Variants in ISOC1 observed in about 807,000 individuals in gnomAD.
ISOC1 encodes the protein isochorismatase domain containing 1.
Under a neutral mutation model 30.0 loss-of-function variants are expected in ISOC1, and 33 were observed. The observed-to-expected ratio is 1.10, with a 90% CI of 0.83 to 1.47. The LOEUF (loss-of-function observed/expected upper bound fraction) is 1.47, where lower values mean the gene tolerates loss of function less well. ISOC1 is among the 40% of genes most tolerant of loss of function. The pLI, the probability that ISOC1 is intolerant of heterozygous loss-of-function variation, is 0.00. For synonymous variants in ISOC1, 178 were observed against 159.8 expected (o/e 1.11, Z -0.86); for missense variants, 372 against 388.0 (o/e 0.96, Z 0.35).
intron 1 of ISOC1, 43 bp downstream of exon 1, chr5:129,095,118 G>A (rs563604885): frequency 2.0e-6 from 3 of 1,466,638 alleles, no homozygotes; most frequent in African/African-American, 1.4e-5. Context: ...TTCCCGAGTC[G>A]TCCCCGTCCC....
At position 129,105,216 on chromosome 5, in the gene ISOC1, T is replaced by C; in HGVS notation, c.461T>C (p.Val154Ala). The C allele has an allele frequency of 6.2e-7, 1 of 1,613,812 alleles. No individual in the cohort carries two copies. The highest frequency in any genetic ancestry group is 8.5e-7 in the Non-Finnish European group (1 of 1,179,810). ...GGGGCCCGGATTTTAGGAATTCCTGTTATTGTAACAGAACAATACCCTAAA... is the reference window on the plus strand; with the variant it reads ...GGGGCCCGGATTTTAGGAATTCCTGCTATTGTAACAGAACAATACCCTAAA... ...LQGARILGIP[V>A]IVTEQYPKGL... The change falls in exon 3 of 5, where the codon GTT becomes GCT. Residue 154 changes from valine (V) to alanine (A), a missense_variant. Physicochemically the swap from Val to Ala is moderately conservative, Grantham distance 64 (BLOSUM62 0). Transcript: ENST00000173527.
At chr5:129,112,792 T>C in intron 4 of ISOC1, 63 bp from the exon 5 acceptor site, 1 of 1,549,926 alleles carries the variant, frequency 6.5e-7, no homozygotes, top group Non-Finnish European at 8.8e-7. Flanking sequence ...ATAGTGTTAC[T>C]CTTCTGAAAT....
At chr5:129,102,522 G>C (rs978959222) in intron 1 of ISOC1, among the ~76,000 whole-genome samples, 3 of 152,156 alleles carry the variant, frequency 2.0e-5, no homozygotes, top group Non-Finnish European at 4.4e-5. Flanking sequence ...TGGATATTAG[G>C]ATTCCTGGGT....
intron 4 of ISOC1, among the ~76,000 whole-genome samples, chr5:129,110,463 A>C (rs2150172382): frequency 6.6e-6 from 1 of 152,272 alleles, no homozygotes; most frequent in South Asian, 2.1e-4. Flanking sequence ...GGGAATGGCT[A>C]AGAGCCAGAT....
At chr5:129,100,818 T>G (rs1017625541) in intron 1 of ISOC1, among the ~76,000 whole-genome samples, 1 of 151,874 alleles carries the variant, frequency 6.6e-6, no homozygotes, top group African/African-American at 2.4e-5. Flanking sequence ...ATGATTAAAG[T>G]TTTTCAGTAT....
chr5:129,112,782 A>G, intron 4 of ISOC1, 73 bp from the exon 5 acceptor site: 4 of 1,498,124 alleles, frequency 2.7e-6, no homozygotes, highest in East Asian at 2.3e-5. Context: ...GCATCCCAGC[A>G]TAGTGTTACT....
At chr5:129,111,318 G>C (rs1753706561) in intron 4 of ISOC1, among the ~76,000 whole-genome samples, 1 of 151,690 alleles carries the variant, frequency 6.6e-6, no homozygotes, top group Non-Finnish European at 1.5e-5. Context: ...GCAAAGTTCT[G>C]GTTAGCTGCT....
intron 1 of ISOC1, among the ~76,000 whole-genome samples, chr5:129,104,581 C>G (rs966397067): frequency 5.9e-5 from 9 of 152,072 alleles, no homozygotes; most frequent in Non-Finnish European, 8.8e-5. Flanking sequence ...TATTGAAATA[C>G]TATTGAACTG....
intron 1 of ISOC1, 135 bp downstream of exon 1, chr5:129,095,210 G>A: frequency 1.2e-6 from 1 of 832,518 alleles, no homozygotes; most frequent in Non-Finnish European, 1.8e-6. Flanking sequence ...GGCTGAGTCC[G>A]AAGGGCTGCG....
intron 1 of ISOC1, among the ~76,000 whole-genome samples, chr5:129,101,192 A>AAAAAAAAAAAAAAAT (rs1554064627): frequency 2.4e-5 from 1 of 42,236 alleles, no homozygotes; most frequent in Non-Finnish European, 3.6e-5. Context: ...AAAAAAAAAA[A>AAAAAAAAAAAAAAAT]ATATATATAT....
rs1753732265 is a variant in ISOC1 at position 129,113,091 on chromosome 5, G to T, written c.*90G>T. ...ACACAAGCTCTTCTTATCTCTACTA[G>T]AATTAAAATGTTAAGTCAAAAACGG... On this transcript the variant is annotated 3_prime_UTR_variant, in exon 5 of 5. Transcript: ENST00000173527. 2.1e-5 allele frequency: 25 copies of T among 1,216,656 alleles called. No individual in the cohort carries two copies. The highest frequency in any genetic ancestry group is 1.0e-4 in the East Asian group (4 of 38,294). 75.4% of individuals were successfully genotyped at this position (1,216,656 alleles called of 1,614,324 possible).
chr5:129,112,810 A>G (rs1180384001), intron 4 of ISOC1, 45 bp from the exon 5 acceptor site: 1 of 1,596,146 alleles, frequency 6.3e-7, no homozygotes, highest in Non-Finnish European at 8.5e-7. Flanking sequence ...AATAGTGTTC[A>G]TTCTCATGCT....
chr5:129,106,310 T>G (rs189939776), intron 3 of ISOC1, among the ~76,000 whole-genome samples: 1 of 152,358 alleles, frequency 6.6e-6, no homozygotes, highest in East Asian at 1.9e-4. Context: ...TGTACTTTCA[T>G]TGGTTGTAAT....
intron 1 of ISOC1, among the ~76,000 whole-genome samples, chr5:129,103,059 T>G (rs1334682496): frequency 6.6e-6 from 1 of 152,202 alleles, no homozygotes; most frequent in Non-Finnish European, 1.5e-5. Flanking sequence ...TGAGACTGGC[T>G]TACTTGCATT....
At chr5:129,095,180 G>T in intron 1 of ISOC1, 105 bp downstream of exon 1, 1 of 1,177,234 alleles carries the variant, frequency 8.5e-7, no homozygotes, top group African/African-American at 1.6e-5. Context: ...AGCCGCCCGG[G>T]ACCCGGGCCC....
chr5:129,101,180 A>ATATATAT (rs1753566363), intron 1 of ISOC1, among the ~76,000 whole-genome samples: 1 of 109,622 alleles, frequency 9.1e-6, no homozygotes, highest in African/African-American at 4.7e-5. Flanking sequence ...AAAAAAAAAA[A>ATATATAT]AAAAAAAAAA....
Position 129,095,024 on chromosome 5 carries a change from CT to C in ISOC1, c.260del (p.Phe87SerfsTer3). The C allele has an allele frequency of 6.2e-7, 1 of 1,600,722 alleles. No individual in the cohort carries two copies. The highest frequency in any genetic ancestry group is 8.5e-7 in the Non-Finnish European group (1 of 1,175,824). ...GCCAGTACGTGGACTTGCCCAAGGG[CT>C]TCGCGGTGAGCGAGCGCTGCAAGGT... ...WGQYVDLPKG[F>X]AVSERCKVRL... is the part of the protein sequence containing the mutation. On this transcript the variant is annotated frameshift_variant, in exon 1 of 5. Coordinates refer to ENST00000173527, the MANE Select transcript of ISOC1 (RefSeq NM_016048.2). LOFTEE classifies it high-confidence loss of function.
intron 1 of ISOC1, among the ~76,000 whole-genome samples, chr5:129,101,999 A>AT (rs1478252589): frequency 2.6e-5 from 4 of 152,166 alleles, no homozygotes; most frequent in African/African-American, 9.7e-5. Flanking sequence ...TCATTACATC[A>AT]TATCAAAGGT....
intron 1 of ISOC1, among the ~76,000 whole-genome samples, chr5:129,100,239 A>G (rs985191602): frequency 1.0e-4 from 10 of 97,966 alleles, no homozygotes; most frequent in African/African-American, 4.9e-4. Flanking sequence ...CCAAATCCCT[A>G]TAGTAATTTG....
Sources: allele counts gnomAD v4.1 joint callset (sites outside exome capture counted in the v4.1 genomes callset), GRCh38; gene constraint gnomAD v4.1.1; transcripts MANE v1.5; gene names NCBI Gene and HGNC (gene_info 2026-07-23, HGNC 2026-07-21).